Variants in RALYL observed in about 807,000 individuals in gnomAD.
RALYL encodes the protein RALY RNA binding protein like.
RALYL carries 29 observed loss-of-function variants against 35.1 expected under a neutral mutation model. The ratio of observed to expected loss-of-function variants is 0.83; its 90% CI spans 0.61 to 1.13. The LOEUF (loss-of-function observed/expected upper bound fraction) is 1.13, where lower values mean the gene tolerates loss of function less well. Among genes scored for constraint, RALYL ranks in the 50% most tolerant of loss-of-function variants. RALYL has a pLI of 0.00. For missense variants in RALYL, 359 were observed against 360.4 expected (o/e 1.00, Z 0.03); for synonymous variants, 120 against 127.6 (o/e 0.94, Z 0.40).
At chr8:84,901,790 T>A (rs1360733511) in intron 8 of RALYL, among the ~76,000 whole-genome samples, 1 of 152,104 alleles carries the variant, frequency 6.6e-6, no homozygotes, top group Non-Finnish European at 1.5e-5. Flanking sequence ...AAGGAGAGAC[T>A]CTTATTTGAT....
chr8:84,664,587 CA>C (rs1831602607), intron 2 of RALYL, among the ~76,000 whole-genome samples: 1 of 151,874 alleles, frequency 6.6e-6, no homozygotes, highest in South Asian at 2.1e-4. Context: ...ATTTTTGTGG[CA>C]ATTGTGAATG....
intron 1 of RALYL, among the ~76,000 whole-genome samples, chr8:84,480,585 A>G (rs1413268662): frequency 6.6e-6 from 1 of 152,210 alleles, no homozygotes; most frequent in Non-Finnish European, 1.5e-5. Flanking sequence ...AGGGATTTTT[A>G]CAGGATGTAA....
intron 2 of RALYL, among the ~76,000 whole-genome samples, chr8:84,572,459 C>T (rs1808242005): frequency 6.6e-6 from 1 of 151,610 alleles, no homozygotes; most frequent in African/African-American, 2.4e-5. Context: ...TTTAGAACTC[C>T]TTTGAGTATT....
chr8:84,403,522 C>CTTTTTTTTT (rs2043136000), intron 1 of RALYL, among the ~76,000 whole-genome samples: 2 of 52,118 alleles, frequency 3.8e-5, no homozygotes, highest in African/African-American at 1.4e-4. Flanking sequence ...GTCTATATCT[C>CTTTTTTTTT]TGTTTTTTTT....
At chr8:84,224,013 A>T (rs1266979093) in intron 1 of RALYL, among the ~76,000 whole-genome samples, 1 of 152,126 alleles carries the variant, frequency 6.6e-6, no homozygotes, top group Non-Finnish European at 1.5e-5. Context: ...AGGTATCTTA[A>T]GTTTACCCTA....
intron 4 of RALYL, among the ~76,000 whole-genome samples, chr8:84,844,264 A>G (rs1311079710): frequency 6.6e-6 from 1 of 152,212 alleles, no homozygotes; most frequent in African/African-American, 2.4e-5. Flanking sequence ...ACTCAAACAA[A>G]TTTACAAGAA....
intron 2 of RALYL, among the ~76,000 whole-genome samples, chr8:84,645,813 C>T (rs1252231793): frequency 6.6e-6 from 1 of 152,000 alleles, no homozygotes; most frequent in Admixed American, 6.6e-5. Context: ...CTTGAAACTT[C>T]TGCTTCATGT....
chr8:84,743,629 G>A (rs1377762458), intron 2 of RALYL, among the ~76,000 whole-genome samples: 1 of 151,928 alleles, frequency 6.6e-6, no homozygotes, highest in African/African-American at 2.4e-5. Context: ...TGCTTTTTGA[G>A]ACAACCAAGA....
At chr8:84,189,325 A>G (rs1188125267) in intron 1 of RALYL, among the ~76,000 whole-genome samples, 1 of 152,146 alleles carries the variant, frequency 6.6e-6, no homozygotes, top group Non-Finnish European at 1.5e-5. Flanking sequence ...TTCTTTCCCA[A>G]ACTTCAGAGT....
At chr8:84,227,346 C>A (rs373109080) in intron 1 of RALYL, among the ~76,000 whole-genome samples, 1 of 144,264 alleles carries the variant, frequency 6.9e-6, no homozygotes, top group East Asian at 2.1e-4. Flanking sequence ...GCGTGAGCCA[C>A]CACGTCTGGC....
At chr8:84,345,063 A>G (rs938579195) in intron 1 of RALYL, among the ~76,000 whole-genome samples, 4 of 151,502 alleles carry the variant, frequency 2.6e-5, no homozygotes, top group Non-Finnish European at 4.4e-5. Context: ...TTGCTGGATC[A>G]TATGATAATT....
At chr8:84,235,397 T>G (rs1375729743) in intron 1 of RALYL, among the ~76,000 whole-genome samples, 1 of 152,220 alleles carries the variant, frequency 6.6e-6, no homozygotes, top group Non-Finnish European at 1.5e-5. Context: ...TATGCCCCTT[T>G]TACTTCATGT....
chr8:84,746,178 G>T (rs1225526036), intron 2 of RALYL, among the ~76,000 whole-genome samples: 1 of 151,952 alleles, frequency 6.6e-6, no homozygotes, highest in East Asian at 1.9e-4. Context: ...CCTGTCACAG[G>T]ATGGGGAAAA....
At position 84,500,574 on chromosome 8, in the gene RALYL, A is replaced by T. The variant is rs2056544921; in HGVS notation, c.-23-28725A>T. Among the ~76,000 whole-genome samples the T allele has an allele frequency of 1.3e-5, 2 of 152,116 alleles. 1 individual carries two copies. Among genetic ancestry groups the T allele is most frequent in the South Asian group, 4.1e-4 (2 of 4,830 alleles). The stretch of plus-strand genomic sequence containing the variant: ...TTTGCTTGTCTTTGTCTCCAGTCTG[A>T]TACTAATTTGGAAGTTAATATGAAT... On this transcript the variant is annotated intron_variant, in intron 1 of 8. Coordinates refer to ENST00000521268, the MANE Select transcript of RALYL (RefSeq NM_173848.7).
intron 6 of RALYL, among the ~76,000 whole-genome samples, chr8:84,864,310 T>C (rs574428259): frequency 6.6e-6 from 1 of 152,298 alleles, no homozygotes; most frequent in South Asian, 2.1e-4. Flanking sequence ...GTGGTGTGTT[T>C]TATTTTTTAG....
chr8:84,821,405 C>T (rs1296021012), intron 4 of RALYL, among the ~76,000 whole-genome samples: 4 of 152,204 alleles, frequency 2.6e-5, no homozygotes, highest in African/African-American at 9.6e-5. Context: ...AAGCTGGCAA[C>T]TTCATGTATC....
intron 1 of RALYL, among the ~76,000 whole-genome samples, chr8:84,449,013 A>G (rs2049147299): frequency 6.6e-6 from 1 of 151,472 alleles, no homozygotes; most frequent in Admixed American, 6.6e-5. Flanking sequence ...GTCCAATCCC[A>G]TTCAGATAAT....
intron 4 of RALYL, among the ~76,000 whole-genome samples, chr8:84,845,916 T>C (rs1834549993): frequency 6.6e-6 from 1 of 152,142 alleles, no homozygotes; most frequent in Non-Finnish European, 1.5e-5. Flanking sequence ...ATTGCTTAGT[T>C]TTGTTGAATT....
chr8:84,509,423 T>C (rs2057426175), intron 1 of RALYL, among the ~76,000 whole-genome samples: 1 of 152,202 alleles, frequency 6.6e-6, no homozygotes, highest in South Asian at 2.1e-4. Flanking sequence ...AATTGCATGA[T>C]GGAATTGCAG....
Sources: gnomAD v4.1 joint callset for allele counts (sites outside exome capture counted in the v4.1 genomes callset) on GRCh38, gnomAD v4.1.1 for gene constraint, MANE v1.5 for transcripts, NCBI Gene and HGNC (gene_info 2026-07-23, HGNC 2026-07-21) for gene names.